Variants in FNBP1 observed in about 807,000 individuals in gnomAD.
FNBP1 encodes the protein formin-binding protein 1.
FNBP1 carries 26 observed loss-of-function variants against 90.6 expected under a neutral mutation model. The observed-to-expected ratio is 0.29, with a 90% CI of 0.21 to 0.40. The LOEUF (loss-of-function observed/expected upper bound fraction) is 0.40, where lower values mean the gene tolerates loss of function less well. FNBP1 is among the 10% of genes least tolerant of loss of function. The pLI is 1.00. For missense variants in FNBP1, 635 were observed against 768.0 expected (o/e 0.83, Z 2.05); for synonymous variants, 260 against 265.2 (o/e 0.98, Z 0.19).
In FNBP1 at chr9:129,994,912, A is replaced by T. The variant is rs1165737418; in HGVS notation, c.71T>A (p.Ile24Asn). 3 of 1,608,994 alleles carry T rather than the reference A, an allele frequency of 1.9e-6. No homozygotes were observed. The highest frequency in any genetic ancestry group is 2.5e-6 in the Non-Finnish European group (3 of 1,176,566). The part of the protein sequence containing the change: ...LEKHTQWGID[I>N]LEKYIKFVKE... The stretch of plus-strand genomic sequence containing the variant: ...CACAAACTTGATATATTTCTCAAGA[A>T]TATCAATTCCCCACTGTGTGTGTTT... Residue 24 changes from isoleucine to asparagine, a missense_variant, in exon 2 of 17, where the codon ATT (isoleucine) becomes AAT (asparagine). By Grantham distance (149) the Ile-to-Asn change is moderately radical. Coordinates refer to ENST00000446176, the MANE Select transcript of FNBP1 (RefSeq NM_015033.3).
At chr9:130,030,410 G>A (rs988660262) in intron 1 of FNBP1, among the ~76,000 whole-genome samples, 1 of 146,748 alleles carries the variant, frequency 6.8e-6, no homozygotes, top group Non-Finnish European at 1.5e-5. Context: ...ACTCCAGCCT[G>A]GGTGACAGAG....
chr9:129,914,355 T>C (rs2039883593), intron 11 of FNBP1, among the ~76,000 whole-genome samples: 1 of 152,070 alleles, frequency 6.6e-6, no homozygotes, highest in Admixed American at 6.6e-5. Context: ...CACTTCTTTG[T>C]TGCCTTCAAG....
intron 16 of FNBP1, among the ~76,000 whole-genome samples, chr9:129,894,793 C>T (rs1482608018): frequency 6.6e-6 from 1 of 152,238 alleles, no homozygotes; most frequent in African/African-American, 2.4e-5. Context: ...GGTGCGGTGG[C>T]TCACGCCTAT....
intron 4 of FNBP1, among the ~76,000 whole-genome samples, chr9:129,974,814 C>A (rs780482195): frequency 6.7e-6 from 1 of 148,778 alleles, no homozygotes; most frequent in Admixed American, 6.7e-5. Flanking sequence ...GAGCCATGAT[C>A]GCACCACTGC....
chr9:129,959,045 CAAGAAT>C (rs2047395014), intron 4 of FNBP1, among the ~76,000 whole-genome samples: 3 of 75,398 alleles, frequency 4.0e-5, no homozygotes, highest in Admixed American at 1.6e-4. Context: ...GAAACGAAAA[CAAGAAT>C]AGTCATCACA....
intron 1 of FNBP1, among the ~76,000 whole-genome samples, chr9:130,017,503 T>G (rs1300304817): frequency 6.6e-6 from 1 of 152,206 alleles, no homozygotes; most frequent in Non-Finnish European, 1.5e-5. Flanking sequence ...TAGGCAAATG[T>G]GAATGTAATT....
chr9:129,989,389 C>G (rs923631463), intron 2 of FNBP1, among the ~76,000 whole-genome samples: 1 of 152,168 alleles, frequency 6.6e-6, no homozygotes, highest in African/African-American at 2.4e-5. Context: ...ATCTCATCAG[C>G]TCTCACAGGC....
chr9:130,041,858 C>A lies in FNBP1; in HGVS notation c.24+1094G>T, dbSNP rs1274741032. Among the ~76,000 whole-genome samples, 1 of 152,114 alleles carries A rather than the reference C, an allele frequency of 6.6e-6. No homozygotes were observed. Among genetic ancestry groups the A allele is most frequent in the Non-Finnish European group, 1.5e-5 (1 of 68,032 alleles). On this transcript the variant is annotated intron_variant, in intron 1 of 16. Transcript: ENST00000446176. This position sits in a 1 kb window ranked among gnomAD's most constrained non-coding sequence, Gnocchi z 4.3. ...TTATTTTGATATGAGATTTCTTGGC[C>A]TCATCTCAGATAGCAACACCACCCT...
At chr9:129,942,293 T>G (rs1175050346) in intron 6 of FNBP1, among the ~76,000 whole-genome samples, 1 of 152,190 alleles carries the variant, frequency 6.6e-6, no homozygotes, top group Non-Finnish European at 1.5e-5. Flanking sequence ...AGGAGTGACA[T>G]GGAAGATGTG....
At chr9:129,907,338 A>C (rs77338333) in intron 12 of FNBP1, among the ~76,000 whole-genome samples, 5,136 of 152,200 alleles carry the variant, frequency 0.034, 160 homozygotes, top group African/African-American at 0.076. Context: ...ATATTGATTC[A>C]TTTTATTTCG....
At chr9:129,995,892 C>T (rs1040462351) in intron 1 of FNBP1, among the ~76,000 whole-genome samples, 1 of 152,092 alleles carries the variant, frequency 6.6e-6, no homozygotes, top group Non-Finnish European at 1.5e-5. Flanking sequence ...CCAGCAGGCA[C>T]AAGAGGACTT....
chr9:130,019,683 G>C (rs1378584729), intron 1 of FNBP1, among the ~76,000 whole-genome samples: 1 of 152,130 alleles, frequency 6.6e-6, no homozygotes, highest in Non-Finnish European at 1.5e-5. Flanking sequence ...TGGAGTAATG[G>C]CTAGCCAGAG....
Position 130,008,066 on chromosome 9 carries a change from T to G in FNBP1, c.25-13108A>C, listed in dbSNP as rs889046111. On this transcript the variant is annotated intron_variant, in intron 1 of 16. Coordinates refer to ENST00000446176, the MANE Select transcript of FNBP1 (RefSeq NM_015033.3). ...AAAAAAAAAAACACCTAATTTCTGC[T>G]GGGCGTCATGGCTCAATGACTATAA... Among the ~76,000 whole-genome samples the G allele has an allele frequency of 5.4e-5, 8 of 147,266 alleles. No individual in the cohort carries two copies. The East Asian group carries it at 1.6e-3, about 30-fold the overall frequency.
At chr9:129,899,911 T>A in intron 15 of FNBP1, 54 bp downstream of exon 15, 1 of 1,417,530 alleles carries the variant, frequency 7.1e-7, no homozygotes, top group Non-Finnish European at 9.4e-7. Flanking sequence ...GAAGAGTAAC[T>A]CAGATATTAT....
chr9:130,019,759 T>A (rs566932827), intron 1 of FNBP1, among the ~76,000 whole-genome samples: 1 of 152,332 alleles, frequency 6.6e-6, no homozygotes, highest in South Asian at 2.1e-4. Flanking sequence ...TTTATTATTT[T>A]TTATTTTCAT....
intron 1 of FNBP1, among the ~76,000 whole-genome samples, chr9:130,014,872 T>TA (rs34104232): frequency 1.1e-3 from 148 of 140,760 alleles, no homozygotes; most frequent in African/African-American, 1.2e-3. Context: ...TTTCTTCCCT[T>TA]AAAAAAAAAA....
rs41279168 is a variant in FNBP1 at position 129,900,443 on chromosome 9, G to A, written c.1533C>T (p.Cys511=). 20,359 of 1,598,688 alleles carry A rather than the reference G, an allele frequency of 0.013. 179 individuals carry two copies. Among genetic ancestry groups the A allele is most frequent in the Middle Eastern group, 0.016 (96 of 5,994 alleles). The part of the protein sequence containing the change: ...DSQNPPTVNN[C]AQDRESPDGS... ...TACTGTACCTCTCACGGTCCTGGGC[G>A]CAGTTGTTGACTGTGGGTGGGTTCT... Residue 511 remains cysteine (C), a synonymous_variant, in exon 14 of 17, where the codon TGC becomes TGT. Coordinates refer to ENST00000446176, the MANE Select transcript of FNBP1 (RefSeq NM_015033.3). The surrounding 1 kb of genome is among the most constrained non-coding windows in gnomAD (Gnocchi z 4.1).
Position 129,927,292 on chromosome 9 carries a change from A to T in FNBP1, c.692T>A (p.Met231Lys). The T allele has an allele frequency of 6.2e-7, 1 of 1,613,598 alleles. No homozygotes were observed. Among genetic ancestry groups the T allele is most frequent in the Non-Finnish European group, 8.5e-7 (1 of 1,179,588 alleles). Reference protein sequence around the residue: ...ERRIVRMGESMKTYAEVDRQV... With the variant: ...ERRIVRMGESKKTYAEVDRQV... ...CCGATCAACCTCTGCATATGTCTTC[A>T]TGGACTCTCCCATTCTCACAATCCT... Residue 231 changes from methionine (M) to lysine (K), a missense_variant, in exon 8 of 17, where the codon ATG (methionine) becomes AAG (lysine). By Grantham distance (95) the Met-to-Lys change is moderately conservative. Transcript: ENST00000446176.
intron 1 of FNBP1, among the ~76,000 whole-genome samples, chr9:130,029,249 G>A (rs554633192): frequency 1.3e-5 from 2 of 151,670 alleles, no homozygotes; most frequent in East Asian, 1.9e-4. Flanking sequence ...TCAACTTCCT[G>A]AGCTCAAGCG....
Sources: gnomAD v4.1 joint callset for allele counts (sites outside exome capture counted in the v4.1 genomes callset) on GRCh38, gnomAD v4.1.1 for gene constraint, Gnocchi (gnomAD v3.1) non-coding constraint, MANE v1.5 for transcripts, NCBI Gene and HGNC (gene_info 2026-07-23, HGNC 2026-07-21) for gene names.